HACD2: variants seen among roughly 807,000 people sequenced by gnomAD.
HACD2 encodes the protein 3-hydroxyacyl-CoA dehydratase 2.
HACD2 carries 15 observed loss-of-function variants against 31.0 expected under a neutral mutation model. That is an observed-to-expected ratio of 0.48 (90% confidence interval 0.32 to 0.75). The LOEUF (loss-of-function observed/expected upper bound fraction) is 0.75. HACD2 is among the 30% of genes least tolerant of loss of function. The pLI, the probability that HACD2 is intolerant of heterozygous loss-of-function variation, is 0.03. For synonymous variants in HACD2, 115 were observed against 122.2 expected, an observed-to-expected ratio of 0.94 and a Z score of 0.39; for missense variants, 283 against 313.0, an observed-to-expected ratio of 0.90 and a Z score of 0.72.
chr3:123,574,717 A>G (rs2056890600), intron 2 of HACD2, among the ~76,000 whole-genome samples: 1 of 152,180 alleles, frequency 6.6e-6, no homozygotes, highest in South Asian at 2.1e-4. Context: ...ACTAAAGTAT[A>G]TTAAAAGTGG....
chr3:123,495,398 G>C (rs2055820171), intron 6 of HACD2, among the ~76,000 whole-genome samples: 1 of 152,096 alleles, frequency 6.6e-6, no homozygotes, highest in South Asian at 2.1e-4. Flanking sequence ...ACTTGCCTAG[G>C]GTCTCACAGT....
intron 3 of HACD2, among the ~76,000 whole-genome samples, chr3:123,546,561 T>C (rs1241487785): frequency 6.6e-6 from 1 of 152,100 alleles, no homozygotes; most frequent in African/African-American, 2.4e-5. Context: ...TATTAACTCA[T>C]CACAGACGTC....
At position 123,536,999 on chromosome 3, in the gene HACD2, G is replaced by C. The variant is rs1020023261; in HGVS notation, c.293-8525C>G. Among the ~76,000 whole-genome samples, 7 of 152,278 alleles carry C rather than the reference G, an allele frequency of 4.6e-5. No homozygotes were observed. In the East Asian group the frequency reaches 1.4e-3, roughly 29 times the overall value. Reference sequence around the variant, plus strand: ...AAATAAAGAACTCAGGAATGGAGAAGTCATAATAAAAATGCCCATGGTGGG... The same window carrying C: ...AAATAAAGAACTCAGGAATGGAGAACTCATAATAAAAATGCCCATGGTGGG... On this transcript the variant is annotated intron_variant, in intron 3 of 6. Coordinates refer to ENST00000383657, the MANE Select transcript of HACD2 (RefSeq NM_198402.5).
At chr3:123,557,513 C>G (rs1038417246) in intron 3 of HACD2, among the ~76,000 whole-genome samples, 2 of 152,126 alleles carry the variant, frequency 1.3e-5, no homozygotes, top group Non-Finnish European at 2.9e-5. Flanking sequence ...GTGGCTCACA[C>G]CTGTAGTCCC....
intron 1 of HACD2, chr3:123,584,639 C>T (rs111291337): frequency 2.8e-6 from 1 of 355,760 alleles, no homozygotes; most frequent in African/African-American, 2.1e-5. Flanking sequence ...GTCCCCGCGC[C>T]CCAGTGCCTG....
chr3:123,539,100 AC>A (rs999597125), intron 3 of HACD2, among the ~76,000 whole-genome samples: 2 of 152,122 alleles, frequency 1.3e-5, no homozygotes, highest in Admixed American at 1.3e-4. Flanking sequence ...TTCCCTGAAA[AC>A]TTTGGGGGAA....
At chr3:123,528,978 T>C (rs2056318432) in intron 3 of HACD2, among the ~76,000 whole-genome samples, 1 of 149,472 alleles carries the variant, frequency 6.7e-6, no homozygotes, top group Non-Finnish European at 1.5e-5. Flanking sequence ...CCAACAAGCA[T>C]AACAACATAA....
In HACD2 at chr3:123,551,127, G is replaced by A. The variant is rs139133741; in HGVS notation, c.292+16635C>T. On this transcript the variant is annotated intron_variant, in intron 3 of 6. Transcript: ENST00000383657. ...GTGACCTTGTTTATCATGGAAAAGG[G>A]TTCCAGAAAGCCCTGTGGCCTTCCT... Among the ~76,000 whole-genome samples the A allele has an allele frequency of 1.4e-4, 21 of 152,228 alleles. No homozygotes were observed. The East Asian group carries it at 4.1e-3, about 29-fold the overall frequency.
At chr3:123,569,717 G>A (rs565151490) in intron 2 of HACD2, among the ~76,000 whole-genome samples, 48 of 152,184 alleles carry the variant, frequency 3.2e-4, no homozygotes, top group African/African-American at 1.1e-3. Flanking sequence ...GCCAGGCATG[G>A]TGGCTCACGC....
intron 2 of HACD2, among the ~76,000 whole-genome samples, chr3:123,580,343 G>C (rs1291664166): frequency 6.6e-6 from 1 of 152,108 alleles, no homozygotes; most frequent in Non-Finnish European, 1.5e-5. Flanking sequence ...AGGCACGGTA[G>C]TGCACGCCTG....
At chr3:123,521,019 C>A (rs1559908418) in intron 4 of HACD2, among the ~76,000 whole-genome samples, 1 of 152,160 alleles carries the variant, frequency 6.6e-6, no homozygotes, top group Non-Finnish European at 1.5e-5. Flanking sequence ...AATCCCAGAA[C>A]TGCAAGTAAC....
intron 3 of HACD2, among the ~76,000 whole-genome samples, chr3:123,547,651 A>C (rs2056574770): frequency 6.6e-6 from 1 of 152,148 alleles, no homozygotes; most frequent in Admixed American, 6.5e-5. Context: ...CTTGGCTCCT[A>C]CCATGTATGA....
intron 2 of HACD2, among the ~76,000 whole-genome samples, chr3:123,570,935 CACACACACAT>C (rs897331798): frequency 6.6e-6 from 1 of 151,756 alleles, no homozygotes; most frequent in African/African-American, 2.4e-5. Flanking sequence ...CACACACACA[CACACACACAT>C]ACACACACAC....
rs968809332 is a variant in HACD2 at position 123,515,111 on chromosome 3, C to T, written c.382-12430G>A. ...TCTAAGTGCTTTGTATGTGTTAACT[C>T]GCAGACCACCTCATGAAGGGAACCA... On this transcript the variant is annotated intron_variant, in intron 4 of 6. Transcript: ENST00000383657. Among the ~76,000 whole-genome samples the T allele has an allele frequency of 7.2e-5, 11 of 152,178 alleles. No individual in the cohort carries two copies. The South Asian group carries it at 1.0e-3, about 14-fold the overall frequency.
intron 4 of HACD2, among the ~76,000 whole-genome samples, chr3:123,512,422 C>T (rs1021420777): frequency 3.3e-5 from 5 of 152,090 alleles, no homozygotes; most frequent in African/African-American, 4.8e-5. Flanking sequence ...ACCTGAGACT[C>T]GCCTCTTTCC....
intron 6 of HACD2, among the ~76,000 whole-genome samples, chr3:123,498,292 G>T (rs145868745): frequency 6.6e-6 from 1 of 152,212 alleles, no homozygotes; most frequent in Non-Finnish European, 1.5e-5. Context: ...AAGAAATTAT[G>T]TTAGACTTTA....
rs556423586 is a variant in HACD2 at position 123,565,876 on chromosome 3, G to T, written c.292+1886C>A. Among the ~76,000 whole-genome samples, 3 of 152,242 alleles carry T rather than the reference G, an allele frequency of 2.0e-5. No homozygotes were observed. In the South Asian group the frequency reaches 6.2e-4, roughly 32 times the overall value. ...TTCAAAATTAAAAAGGACTAAAAAG[G>T]AAATGCGTGTAAGACTGCACAAAAG... On this transcript the variant is annotated intron_variant, in intron 3 of 6. Coordinates refer to ENST00000383657, the MANE Select transcript of HACD2 (RefSeq NM_198402.5).
chr3:123,502,874 G>C (rs1182131814), intron 4 of HACD2, 193 bp from the exon 5 acceptor site: 2 of 539,894 alleles, frequency 3.7e-6, no homozygotes, highest in African/African-American at 3.8e-5. Context: ...CCAGAGATGA[G>C]GGCCAAGTGC....
At chr3:123,548,552 T>A (rs902782410) in intron 3 of HACD2, among the ~76,000 whole-genome samples, 1 of 152,226 alleles carries the variant, frequency 6.6e-6, no homozygotes, top group African/African-American at 2.4e-5. Context: ...TATGTTTTAA[T>A]GTATCAATAG....
Sources: allele counts gnomAD v4.1 joint callset (sites outside exome capture counted in the v4.1 genomes callset), GRCh38; gene constraint gnomAD v4.1.1; transcripts MANE v1.5; gene names NCBI Gene and HGNC (gene_info 2026-07-23, HGNC 2026-07-21).